ADCYAP1R1: variants seen among roughly 807,000 people sequenced by gnomAD.
The protein encoded by ADCYAP1R1 is ADCYAP receptor type I.
Under a neutral mutation model 67.6 loss-of-function variants are expected in ADCYAP1R1, and 44 were observed. That is an observed-to-expected ratio of 0.65 (90% CI 0.51 to 0.84). The LOEUF (loss-of-function observed/expected upper bound fraction) is 0.84. Ranked by LOEUF, ADCYAP1R1 falls within the 40% of genes least tolerant of loss-of-function variation. The pLI is 0.00. For synonymous variants in ADCYAP1R1, 222 were observed against 219.6 expected (o/e 1.01, Z -0.10); for missense variants, 477 against 587.9 (o/e 0.81, Z 1.95).
intron 3 of ADCYAP1R1, among the ~76,000 whole-genome samples, 155 bp from the exon 4 acceptor site, chr7:31,077,833 TTGG>T (rs1584504479): frequency 9.0e-6 from 1 of 111,042 alleles, no homozygotes; most frequent in East Asian, 2.0e-4. Flanking sequence ...TGTGTGTTTG[TTGG>T]TGTTGTGTGT....
Position 31,106,698 on chromosome 7 carries a change from C to T in ADCYAP1R1, c.*14C>T, listed in dbSNP as rs1286070725. The T allele has an allele frequency of 2.5e-6, 4 of 1,591,982 alleles. No individual in the cohort carries two copies. The highest frequency in any genetic ancestry group is 2.3e-5 in the East Asian group (1 of 44,130). ...CTGGCCACCTGAGCCATGCTCCCCT[C>T]CTCCTCCTCTCCTCCATCCACAGGC... On this transcript the variant is annotated 3_prime_UTR_variant, in exon 16 of 16. Transcript: ENST00000304166.
intron 1 of ADCYAP1R1, among the ~76,000 whole-genome samples, chr7:31,059,481 C>T (rs1456302055): frequency 6.6e-6 from 1 of 152,130 alleles, no homozygotes; most frequent in Non-Finnish European, 1.5e-5. Flanking sequence ...ATGGAGTGAC[C>T]CATTTTCCCA....
intron 7 of ADCYAP1R1, 150 bp from the exon 8 acceptor site, chr7:31,084,587 T>G (rs1584515173): frequency 7.3e-6 from 5 of 689,438 alleles, no homozygotes; most frequent in African/African-American, 1.8e-5. Flanking sequence ...GGGTGGGAGG[T>G]GGTGGAGATG....
chr7:31,086,642 C>T lies in ADCYAP1R1; in HGVS notation c.823+105C>T. 7.3e-7 allele frequency: 1 copy of T among 1,364,502 alleles called. No individual in the cohort carries two copies. The highest frequency in any genetic ancestry group is 1.3e-5 in the South Asian group (1 of 74,210). 84.5% of individuals were successfully genotyped at this position (1,364,502 alleles called of 1,614,324 possible). A position where few individuals can be genotyped will look rare whatever the true frequency, so the allele number is the denominator to read the frequency against. ...GGAAGTGTCAGGTGAGGAGGGGCCA[C>T]TGCCCTGCCCGAGTCTAATGGCCTA... On this transcript the variant is annotated intron_variant, in intron 10 of 15. Coordinates refer to ENST00000304166, the MANE Select transcript of ADCYAP1R1 (RefSeq NM_001118.5). The surrounding 1 kb of genome is among the most constrained non-coding windows in gnomAD (Gnocchi z 5.0).
intron 13 of ADCYAP1R1, among the ~76,000 whole-genome samples, chr7:31,094,504 C>G (rs1199000954): frequency 6.6e-6 from 1 of 152,136 alleles, no homozygotes; most frequent in Non-Finnish European, 1.5e-5. Context: ...CTCGTTTGAG[C>G]TCTAGTGGTC....
intron 3 of ADCYAP1R1, among the ~76,000 whole-genome samples, chr7:31,077,330 TG>T (rs1795279818): frequency 6.6e-6 from 1 of 151,062 alleles, no homozygotes; most frequent in East Asian, 2.0e-4. Context: ...TACATGTGTA[TG>T]GTGTGTGTGA....
intron 1 of ADCYAP1R1, among the ~76,000 whole-genome samples, chr7:31,053,434 T>A (rs1157234866): frequency 6.6e-6 from 1 of 152,106 alleles, no homozygotes; most frequent in Non-Finnish European, 1.5e-5. Flanking sequence ...CTGCGGCGGC[T>A]GCGGGGGGCG....
At chr7:31,059,536 G>A (rs887415434) in intron 1 of ADCYAP1R1, among the ~76,000 whole-genome samples, 1 of 152,184 alleles carries the variant, frequency 6.6e-6, no homozygotes, top group Non-Finnish European at 1.5e-5. Flanking sequence ...TCCTCAGGGA[G>A]GGGAGAGATC....
chr7:31,085,513 A>G (rs1795706328), intron 9 of ADCYAP1R1, 71 bp downstream of exon 9: 7 of 1,524,108 alleles, frequency 4.6e-6, no homozygotes, highest in Non-Finnish European at 6.2e-6. Context: ...GTTCCCCAGG[A>G]CGCACATTAC....
chr7:31,063,282 C>T lies in ADCYAP1R1; in HGVS notation c.18C>T (p.His6=), dbSNP rs775123211. Residue 6 remains histidine (H), a synonymous_variant, in exon 2 of 16, where the codon CAC becomes CAT. Transcript: ENST00000304166. ...GAAGTGTCATGGCTGGTGTCGTGCA[C>T]GTTTCCCTGGCTGCTCTCCTCCTGC... MAGVV[H]VSLAALLLLP... The T allele has an allele frequency of 1.2e-5, 20 of 1,614,186 alleles. No individual in the cohort carries two copies. Among genetic ancestry groups the T allele is most frequent in the Admixed American group, 5.0e-5 (3 of 60,022 alleles).
chr7:31,110,765 G>A lies in ADCYAP1R1; in HGVS notation c.*4081G>A, dbSNP rs572484833. On this transcript the variant is annotated 3_prime_UTR_variant, in exon 16 of 16. Transcript: ENST00000304166. ...CCAGGGCTTACCTTCTTTGGGCCTC[G>A]GCCTCCTAATCTGGGTAATGGGGAG... 6.6e-6 allele frequency: 1 copy of A among 152,220 alleles called. No homozygotes were observed. Among genetic ancestry groups the A allele is most frequent in the African/African-American group, 2.4e-5 (1 of 41,414 alleles). The allele number at this position is 152,220 out of a possible 1,614,324, so 9.4% of individuals were successfully genotyped here. A position where few individuals can be genotyped will look rare whatever the true frequency, so the allele number is the denominator to read the frequency against.
At chr7:31,080,735 G>GGGTGGA in intron 5 of ADCYAP1R1, 102 bp downstream of exon 5, 4 of 1,275,914 alleles carry the variant, frequency 3.1e-6, no homozygotes, top group Non-Finnish European at 4.5e-6. Context: ...ATTGGGGTGG[G>GGGTGGA]GGTGGAGTAA....
chr7:31,077,633 TATATG>T (rs1175394962), intron 3 of ADCYAP1R1, among the ~76,000 whole-genome samples: 1 of 142,080 alleles, frequency 7.0e-6, no homozygotes, highest in Non-Finnish European at 1.5e-5. Flanking sequence ...GTGTGTATGA[TATATG>T]TGTGTGGTGT....
chr7:31,067,647 C>T (rs1352130965), intron 3 of ADCYAP1R1, among the ~76,000 whole-genome samples: 2 of 152,320 alleles, frequency 1.3e-5, no homozygotes, highest in East Asian at 1.9e-4. Context: ...TGCTGGGATG[C>T]ACCACCTCTA....
chr7:31,084,588 G>C, intron 7 of ADCYAP1R1, 149 bp from the exon 8 acceptor site: 1 of 708,086 alleles, frequency 1.4e-6, no homozygotes, highest in South Asian at 1.6e-5. Context: ...GGTGGGAGGT[G>C]GTGGAGATGA....
chr7:31,073,217 T>C (rs535206785), intron 3 of ADCYAP1R1, among the ~76,000 whole-genome samples: 63 of 152,280 alleles, frequency 4.1e-4, no homozygotes, highest in Non-Finnish European at 6.6e-4. Context: ...CTAAAATTAT[T>C]AACACAACCC....
chr7:31,073,738 GC>G (rs1054695869), intron 3 of ADCYAP1R1, among the ~76,000 whole-genome samples: 8 of 152,154 alleles, frequency 5.3e-5, no homozygotes, highest in Admixed American at 2.6e-4. Context: ...ATTCTGGGGA[GC>G]CCCAGGGAGG....
chr7:31,100,934 G>T (rs1195927014), intron 13 of ADCYAP1R1, among the ~76,000 whole-genome samples: 2 of 152,278 alleles, frequency 1.3e-5, no homozygotes, highest in Non-Finnish European at 2.9e-5. Flanking sequence ...GGTATTTTGG[G>T]ACTCTTCTGC....
At chr7:31,092,038 T>C (rs1385610606) in intron 12 of ADCYAP1R1, among the ~76,000 whole-genome samples, 1 of 150,662 alleles carries the variant, frequency 6.6e-6, no homozygotes, top group Non-Finnish European at 1.5e-5. Flanking sequence ...GCTTTGGCTA[T>C]GCCTGAAAGA....
Sources: gnomAD v4.1 joint callset for allele counts (sites outside exome capture counted in the v4.1 genomes callset) on GRCh38, gnomAD v4.1.1 for gene constraint, Gnocchi (gnomAD v3.1) non-coding constraint, MANE v1.5 for transcripts, NCBI Gene and HGNC (gene_info 2026-07-23, HGNC 2026-07-21) for gene names.